The following LTBP1 variants were observed in gnomAD, a reference collection of about 807,000 sequenced individuals.
LTBP1 encodes latent-transforming growth factor beta-binding protein 1.
In LTBP1, 129 loss-of-function variants were observed where a neutral mutation model predicts 207.6. The observed-to-expected ratio is 0.62, with a 90% confidence interval of 0.54 to 0.72. The LOEUF is 0.72. Ranked by LOEUF, LTBP1 falls within the 30% of genes least tolerant of loss-of-function variation. LTBP1 has a pLI of 0.00. For missense variants in LTBP1, 2,281 were observed against 2,217.2 expected (o/e 1.03, Z -0.58); for synonymous variants, 963 against 833.7 (o/e 1.16, Z -2.67).
chr2:33,099,099 A>G (rs1044097031), intron 3 of LTBP1, among the ~76,000 whole-genome samples: 1 of 152,146 alleles, frequency 6.6e-6, no homozygotes, highest in African/African-American at 2.4e-5. Flanking sequence ...GGGGAAAAAA[A>G]CCCTCCAACA....
chr2:32,978,854 G>A (rs1233285022), intron 2 of LTBP1, among the ~76,000 whole-genome samples: 3 of 151,548 alleles, frequency 2.0e-5, no homozygotes, highest in African/African-American at 7.3e-5. Flanking sequence ...TTTCCTTCCT[G>A]GGAGACTTTT....
chr2:32,950,402 C>CA (rs1475974445), intron 2 of LTBP1, among the ~76,000 whole-genome samples: 3 of 151,744 alleles, frequency 2.0e-5, no homozygotes, highest in Non-Finnish European at 2.9e-5. Context: ...ACTAAAAATA[C>CA]AAAAAAATTA....
intron 3 of LTBP1, among the ~76,000 whole-genome samples, chr2:33,067,868 A>G (rs139227368): frequency 8.5e-5 from 13 of 152,312 alleles, no homozygotes; most frequent in Admixed American, 2.6e-4. Flanking sequence ...GGAAATTTCT[A>G]TAATTCAAAA....
chr2:32,971,884 T>C (rs991800179), intron 2 of LTBP1, among the ~76,000 whole-genome samples: 5 of 152,200 alleles, frequency 3.3e-5, no homozygotes, highest in Non-Finnish European at 4.4e-5. Flanking sequence ...GTACAACCTC[T>C]TCTTTATATG....
At chr2:33,051,103 G>A (rs572951912) in intron 3 of LTBP1, among the ~76,000 whole-genome samples, 4 of 152,266 alleles carry the variant, frequency 2.6e-5, no homozygotes, top group African/African-American at 7.2e-5. Flanking sequence ...ATGAGTTGGG[G>A]CAGAAGGAAG....
At chr2:33,213,908 G>A (rs916203725) in intron 7 of LTBP1, among the ~76,000 whole-genome samples, 2 of 152,178 alleles carry the variant, frequency 1.3e-5, no homozygotes, top group African/African-American at 4.8e-5. Flanking sequence ...ACAAAGCCAT[G>A]GGATAAAGCG....
intron 2 of LTBP1, among the ~76,000 whole-genome samples, chr2:32,995,583 C>T (rs758629559): frequency 6.6e-6 from 1 of 152,146 alleles, no homozygotes; most frequent in Non-Finnish European, 1.5e-5. Context: ...AGATCGAGAC[C>T]ATCCTAGCTA....
At chr2:33,018,603 G>A (rs1044710400) in intron 2 of LTBP1, among the ~76,000 whole-genome samples, 2 of 152,050 alleles carry the variant, frequency 1.3e-5, no homozygotes, top group African/African-American at 2.4e-5. Context: ...GGCTGAGCAG[G>A]GACCCAGGAC....
intron 5 of LTBP1, among the ~76,000 whole-genome samples, chr2:33,171,911 T>C (rs978123343): frequency 3.9e-5 from 6 of 152,028 alleles, no homozygotes; most frequent in Admixed American, 1.3e-4. Context: ...CAAACTAAGC[T>C]TCGGAAGTGA....
chr2:33,155,605 C>T (rs188035250), intron 5 of LTBP1, among the ~76,000 whole-genome samples: 4 of 152,182 alleles, frequency 2.6e-5, no homozygotes, highest in East Asian at 3.9e-4. Context: ...AGCAACCCCC[C>T]ATCTCACCAC....
chr2:33,169,119 T>A (rs1312776454), intron 5 of LTBP1, among the ~76,000 whole-genome samples: 1 of 152,210 alleles, frequency 6.6e-6, no homozygotes, highest in East Asian at 1.9e-4. Flanking sequence ...CCAGAATTTA[T>A]TCCTTTTGGC....
At chr2:33,359,295 G>A (rs1175600578) in intron 26 of LTBP1, among the ~76,000 whole-genome samples, 4 of 152,214 alleles carry the variant, frequency 2.6e-5, no homozygotes, top group Non-Finnish European at 4.4e-5. Context: ...GAAGAGGAAA[G>A]AGAAAGGGCA....
At chr2:33,284,166 T>A (rs1468168095) in intron 19 of LTBP1, among the ~76,000 whole-genome samples, 1 of 152,208 alleles carries the variant, frequency 6.6e-6, no homozygotes, top group Non-Finnish European at 1.5e-5. Flanking sequence ...GTAAGCTGGA[T>A]CTTACTGATT....
Position 33,315,178 on chromosome 2 carries a change from T to C in LTBP1, c.3639T>C (p.Gly1213=), listed in dbSNP as rs1478153092. 3 of 1,610,818 alleles carry C rather than the reference T, an allele frequency of 1.9e-6. No individual in the cohort carries two copies. The highest frequency in any genetic ancestry group is 2.5e-6 in the Non-Finnish European group (3 of 1,179,248). ...AATGTGAACATCCAGGGCTCTGTGG[T>C]CCGCAAGGGGAGTGCCTAAACACAG... is the stretch of plus-strand genomic sequence containing the variant. ...INECEHPGLC[G]PQGECLNTEG... Residue 1213 remains glycine (G), a synonymous_variant, in exon 24 of 34, where the codon GGT becomes GGC. Coordinates refer to ENST00000404816, the MANE Select transcript of LTBP1 (RefSeq NM_206943.4).
intron 24 of LTBP1, among the ~76,000 whole-genome samples, chr2:33,315,653 A>T (rs1362022535): frequency 1.3e-5 from 2 of 152,156 alleles, no homozygotes; most frequent in African/African-American, 4.8e-5. Context: ...GTGTGTAAAA[A>T]ATGTCTTGCG....
intron 9 of LTBP1, among the ~76,000 whole-genome samples, chr2:33,228,506 G>A (rs1183903124): frequency 6.6e-6 from 1 of 151,978 alleles, no homozygotes. Flanking sequence ...TTCTGCTTTA[G>A]GGAAAGGGAA....
intron 3 of LTBP1, among the ~76,000 whole-genome samples, chr2:33,087,083 G>GCTTTTTTTTTT (rs2078802877): frequency 3.0e-5 from 1 of 33,100 alleles, no homozygotes; most frequent in Non-Finnish European, 7.1e-5. Flanking sequence ...CCTCCTTTAT[G>GCTTTTTTTTTT]CTTTTTTTTT....
intron 26 of LTBP1, 28 bp downstream of exon 26, chr2:33,347,538 A>C (rs372441999): frequency 2.2e-5 from 35 of 1,612,634 alleles, no homozygotes; most frequent in Middle Eastern, 1.8e-4. Context: ...TGTGCAAGGG[A>C]ATGACAGGCT....
intron 15 of LTBP1, among the ~76,000 whole-genome samples, chr2:33,270,262 CAG>C (rs368555121): frequency 8.6e-4 from 130 of 151,604 alleles, no homozygotes; most frequent in African/African-American, 1.9e-3. Flanking sequence ...AGAAAGCAGA[CAG>C]GGGTGTTTTG....
Sources: allele counts gnomAD v4.1 joint callset (sites outside exome capture counted in the v4.1 genomes callset), GRCh38; gene constraint gnomAD v4.1.1; transcripts MANE v1.5; gene names NCBI Gene and HGNC (gene_info 2026-07-23, HGNC 2026-07-21).